FAT1: variants seen among roughly 807,000 people sequenced by gnomAD.
FAT1 encodes FAT atypical cadherin 1.
A neutral mutation model predicts 329.8 loss-of-function variants in FAT1; 171 were observed. That is an observed-to-expected ratio of 0.52 (90% CI 0.46 to 0.59). The LOEUF is 0.59. FAT1 is among the 20% of genes least tolerant of loss of function. The probability of loss-of-function intolerance (pLI) is 0.00; values close to 1 mark genes in which losing one functional copy is unlikely to be tolerated. For synonymous variants in FAT1, 2,233 were observed against 2,228.6 expected (o/e 1.00, Z -0.06); for missense variants, 5,672 against 5,774.4 (o/e 0.98, Z 0.57).
rs746793923 is a variant in FAT1 at position 186,603,387 on chromosome 4, G to T, written c.11139C>A (p.His3713Gln). ...SAQISTKQLL[H>Q]KINSSVTDIE... ...TGTCAGTCACGGAAGAGTTAATCTT[G>T]TGCAGAAGTTGTTTTGTTGAGATCT... is the stretch of plus-strand genomic sequence containing the variant. Residue 3713 changes from histidine to glutamine, a missense_variant, in exon 19 of 27, where the codon CAC (histidine) becomes CAA (glutamine). Around this residue, in one of 2 missense-constraint regions of FAT1, gnomAD observed 1,706 missense variants for 1,859.1 expected, o/e 0.92. Coordinates refer to ENST00000441802, the MANE Select transcript of FAT1 (RefSeq NM_005245.4). 6 of 1,613,936 alleles carry T rather than the reference G, an allele frequency of 3.7e-6. No homozygotes were observed. In the South Asian group the frequency reaches 4.4e-5, roughly 12 times the overall value.
Position 186,619,882 on chromosome 4 carries a change from A to G in FAT1, c.6704T>C (p.Val2235Ala), listed in dbSNP as rs1452794307. 6.2e-7 allele frequency: 1 copy of G among 1,613,748 alleles called. No individual in the cohort carries two copies. The highest frequency in any genetic ancestry group is 1.3e-5 in the African/African-American group (1 of 74,884). Residue 2235 changes from valine (V) to alanine (A), a missense_variant, in exon 10 of 27, where the codon GTT becomes GCT. Val to Ala is a moderately conservative substitution (Grantham distance 64). Coordinates refer to ENST00000441802, the MANE Select transcript of FAT1 (RefSeq NM_005245.4). ...GTCCAGAGGAGCTATGACATTGATA[A>G]CTCCAGTATTGAAGTTAATAGTGAA... ...SQFTINFNTG[V>A]INVIAPLDFE...
rs754447328 is a variant in FAT1, at chr4:186,603,822, A to G, written c.10704T>C (p.His3568=). The change falls in exon 19 of 27, where the codon CAT becomes CAC. Residue 3568 remains histidine (H), a synonymous_variant. Transcript: ENST00000441802. ...EYSGGVIGKI[H]ATDQDVYDTL... is the part of the protein sequence containing the mutation. Reference sequence around the variant, plus strand: ...TATCATACACGTCCTGGTCTGTGGCATGGATCTTCCCAATGACGCCACCTG... The same window carrying G: ...TATCATACACGTCCTGGTCTGTGGCGTGGATCTTCCCAATGACGCCACCTG... The G allele has an allele frequency of 1.2e-6, 2 of 1,613,902 alleles. No homozygotes were observed. The highest frequency in any genetic ancestry group is 4.5e-5 in the East Asian group (2 of 44,852).
In FAT1 at chr4:186,593,454, C is replaced by T. The variant is rs76519718; in HGVS notation, c.13138+2235G>A. Among the ~76,000 whole-genome samples the T allele has an allele frequency of 6.5e-3, 994 of 152,326 alleles. 9 individuals carry two copies. Among genetic ancestry groups the T allele is most frequent in the Middle Eastern group, 0.017 (5 of 294 alleles). On this transcript the variant is annotated intron_variant, in intron 26 of 26. Coordinates refer to ENST00000441802, the MANE Select transcript of FAT1 (RefSeq NM_005245.4). ...TAGTCCACGTCCTAATCCCAGGAGCCTGTGAATATGTCACTATACATGGCA... is the reference window on the plus strand; with the variant it reads ...TAGTCCACGTCCTAATCCCAGGAGCTTGTGAATATGTCACTATACATGGCA...
At chr4:186,669,335 T>C (rs1167481265) in intron 2 of FAT1, among the ~76,000 whole-genome samples, 1 of 152,182 alleles carries the variant, frequency 6.6e-6, no homozygotes, top group Non-Finnish European at 1.5e-5. Context: ...GAGGTTGCCG[T>C]GCACACGCAG....
At position 186,619,343 on chromosome 4, in the gene FAT1, A is replaced by G. The variant is rs780479078; in HGVS notation, c.7243T>C (p.Tyr2415His). Residue 2415 changes from tyrosine to histidine, a missense_variant, in exon 10 of 27, where the codon TAT becomes CAT. Coordinates refer to ENST00000441802, the MANE Select transcript of FAT1 (RefSeq NM_005245.4). ...HGHFVTCVKA[Y>H]DADSSDIDKL... ...TCTATGTCTGAACTGTCTGCATCAT[A>G]GGCTTTTACACAGGTCACGAAATGC... is the stretch of plus-strand genomic sequence containing the variant. The G allele has an allele frequency of 6.2e-7, 1 of 1,614,060 alleles. No individual in the cohort carries two copies. Among genetic ancestry groups the G allele is most frequent in the Admixed American group, 1.7e-5 (1 of 60,038 alleles).
In FAT1 at chr4:186,595,734, C is replaced by T. The variant is rs2126382297; in HGVS notation, c.13093G>A (p.Val4365Met). ...PYSARESLSE[V>M]QSLSSFQSES... ...GACTGGAAGGAGCTCAGAGACTGCACTTCAGACAGGCTTTCCCGGGCACTG... is the reference window on the plus strand; with the variant it reads ...GACTGGAAGGAGCTCAGAGACTGCATTTCAGACAGGCTTTCCCGGGCACTG... The change falls in exon 26 of 27, where the codon GTG becomes ATG. Residue 4365 changes from valine to methionine, a missense_variant. By Grantham distance (21) the Val-to-Met change is conservative (BLOSUM62 1). Transcript: ENST00000441802. The T allele has an allele frequency of 2.5e-6, 4 of 1,613,990 alleles. No individual in the cohort carries two copies. The South Asian group carries it at 3.3e-5, about 13-fold the overall frequency.
rs1413083327 is a variant in FAT1, at chr4:186,723,796, G to GCCGCTCCCGCGC, written c.-163_-152dup. The GCCGCTCCCGCGC allele has an allele frequency of 4.4e-5, 6 of 135,020 alleles. No individual in the cohort carries two copies. Among genetic ancestry groups the GCCGCTCCCGCGC allele is most frequent in the Non-Finnish European group, 8.1e-5 (5 of 61,684 alleles). The allele number at this position is 135,020 out of a possible 1,614,324, so 8.4% of individuals were successfully genotyped here. Reference sequence around the variant, plus strand: ...CGTCCGCATGGTACCTGCCGCACGAGCCGCTCCCGCGCCCTCTCCCCGCGC... The same window carrying GCCGCTCCCGCGC: ...CGTCCGCATGGTACCTGCCGCACGAGCCGCTCCCGCGCCCGCTCCCGCGCCCTCTCCCCGCGC... On this transcript the variant is annotated 5_prime_UTR_variant, in exon 1 of 27. Coordinates refer to ENST00000441802, the MANE Select transcript of FAT1 (RefSeq NM_005245.4).
In FAT1 at chr4:186,631,290, T is replaced by C. The variant is rs528694336; in HGVS notation, c.4323+2394A>G. ...AGTGTCTCATCTCCCAGCTGATCCC[T>C]CTGCTCTTCAATCCATCCCCGCGGT... On this transcript the variant is annotated intron_variant, in intron 7 of 26. Coordinates refer to ENST00000441802, the MANE Select transcript of FAT1 (RefSeq NM_005245.4). Among the ~76,000 whole-genome samples the C allele has an allele frequency of 2.1e-3, 314 of 151,576 alleles. 1 individual carries two copies. The highest frequency in any genetic ancestry group is 3.7e-3 in the Non-Finnish European group (251 of 67,974).
chr4:186,591,270 G>A (rs1738227770), intron 26 of FAT1, among the ~76,000 whole-genome samples: 1 of 152,224 alleles, frequency 6.6e-6, no homozygotes, highest in Non-Finnish European at 1.5e-5. Flanking sequence ...TCACATCCGT[G>A]ATTTTTTAAA....
At position 186,611,652 on chromosome 4, in the gene FAT1, G is replaced by T; in HGVS notation, c.9587C>A (p.Thr3196Asn). The T allele has an allele frequency of 2.5e-6, 4 of 1,613,058 alleles. No individual in the cohort carries two copies. In the Middle Eastern group the frequency reaches 4.9e-4, roughly 200 times the overall value. Residue 3196 changes from threonine to asparagine, a missense_variant, in exon 14 of 27, where the codon ACC (threonine) becomes AAC (asparagine). Around this residue, in one of 2 missense-constraint regions of FAT1, gnomAD observed 1,706 missense variants for 1,859.1 expected, o/e 0.92. Transcript: ENST00000441802. ...TTGATCCACAGCTTTCAAAGAGAGG[G>T]TGTATACTGCCTGGAGTTCTCTGTC... ...PLDRELQAVY[T>N]LSLKAVDQGL...
rs770513074 is a variant in FAT1 at position 186,628,150 on chromosome 4, G to C, written c.4810+4C>G. 6.2e-6 allele frequency: 10 copies of C among 1,613,166 alleles called. No individual in the cohort carries two copies. Among genetic ancestry groups the C allele is most frequent in the Non-Finnish European group, 7.6e-6 (9 of 1,179,574 alleles). The stretch of plus-strand genomic sequence containing the variant: ...TAAAATGCCACTGAAGGCTCCAAAA[G>C]TACCTGACTCGATCGAGTACAGCAC... On this transcript the variant is annotated splice_donor_region_variant and intron_variant, in intron 9 of 26. Coordinates refer to ENST00000441802, the MANE Select transcript of FAT1 (RefSeq NM_005245.4).
At chr4:186,712,650 A>T (rs1450345158) in intron 1 of FAT1, among the ~76,000 whole-genome samples, 1 of 152,190 alleles carries the variant, frequency 6.6e-6, no homozygotes, top group Non-Finnish European at 1.5e-5. Context: ...AACCTGAAGG[A>T]AAAGAGGGAA....
chr4:186,613,726 T>C (rs1278143633), intron 12 of FAT1, among the ~76,000 whole-genome samples: 2 of 152,192 alleles, frequency 1.3e-5, no homozygotes, highest in African/African-American at 2.4e-5. Context: ...ACTTAGTTGA[T>C]CCCAATTTTA....
At position 186,617,773 on chromosome 4, in the gene FAT1, G is replaced by A. The variant is rs1285817342; in HGVS notation, c.8813C>T (p.Ala2938Val). The A allele has an allele frequency of 1.9e-6, 3 of 1,613,166 alleles. No homozygotes were observed. Among genetic ancestry groups the A allele is most frequent in the Admixed American group, 3.3e-5 (2 of 59,958 alleles). The change falls in exon 10 of 27, where the codon GCC becomes GTC. Residue 2938 changes from alanine (A) to valine (V), a missense_variant. Physicochemically the swap from Ala to Val is moderately conservative, Grantham distance 64. Transcript: ENST00000441802. Reference protein sequence around the residue: ...SEDDPQGGVIAILSTTDADSE... With the variant: ...SEDDPQGGVIVILSTTDADSE... ...ATCAGCATCCGTGGTACTTAAGATGGCAATCACCCCACCTTGGGGGTCATC... is the reference window on the plus strand; with the variant it reads ...ATCAGCATCCGTGGTACTTAAGATGACAATCACCCCACCTTGGGGGTCATC...
intron 3 of FAT1, among the ~76,000 whole-genome samples, chr4:186,643,788 T>TCCCCCCCCCCCCCCCCCCCCCCCCCC (rs111521404): frequency 1.5e-5 from 2 of 131,194 alleles, no homozygotes; most frequent in African/African-American, 2.9e-5. Context: ...CTGCTCCTCA[T>TCCCCCCCCCCCCCCCCCCCCCCCCCC]CCCCCCCCCA....
intron 2 of FAT1, among the ~76,000 whole-genome samples, chr4:186,680,453 T>C (rs938092553): frequency 6.6e-6 from 1 of 152,156 alleles, no homozygotes; most frequent in East Asian, 1.9e-4. Context: ...ACCGTTTCTG[T>C]AACATTTCTC....
rs770271386 is a variant in FAT1, at chr4:186,706,601, C to G, written c.3227G>C (p.Gly1076Ala). The G allele has an allele frequency of 1.2e-6, 2 of 1,613,000 alleles. No individual in the cohort carries two copies. The highest frequency in any genetic ancestry group is 2.2e-5 in the South Asian group (2 of 91,044). ...TATTTTGAAAACACCAACGCCAGAG[C>G]CATCTCTAATGGAGTATCGGATCTC... ...DGEIRYSIRD[G>A]SGVGVFKIGE... is the part of the protein sequence containing the mutation. The change falls in exon 2 of 27, where the codon GGC becomes GCC. Residue 1076 changes from glycine (G) to alanine (A), a missense_variant. This residue lies in a region of FAT1 where 3,966 missense variants were observed against 3,915.2 expected (regional missense o/e 1.01). Transcript: ENST00000441802.
chr4:186,715,766 C>A (rs1343295054), intron 1 of FAT1, among the ~76,000 whole-genome samples: 2 of 152,168 alleles, frequency 1.3e-5, no homozygotes, highest in East Asian at 3.9e-4. Flanking sequence ...AATGCATTTT[C>A]CGAAGCCAAA....
chr4:186,618,277 G>C lies in FAT1; in HGVS notation c.8309C>G (p.Thr2770Arg). 6.2e-7 allele frequency: 1 copy of C among 1,614,022 alleles called. No individual in the cohort carries two copies. The highest frequency in any genetic ancestry group is 1.1e-5 in the South Asian group (1 of 91,086). The change falls in exon 10 of 27, where the codon ACA becomes AGA. Residue 2770 changes from threonine (T) to arginine (R), a missense_variant. By Grantham distance (71) the Thr-to-Arg change is moderately conservative (BLOSUM62 -1). This residue lies in a region of FAT1 where 3,966 missense variants were observed against 3,915.2 expected (regional missense o/e 1.01). Transcript: ENST00000441802. ...TATGGAAAACTGATACCACTTAGTTGTCTCATGATCAAGACTCTTCTCCAA... is the reference window on the plus strand; with the variant it reads ...TATGGAAAACTGATACCACTTAGTTCTCTCATGATCAAGACTCTTCTCCAA... ...LKLEKSLDHE[T>R]TKWYQFSILA...
Sources: allele counts gnomAD v4.1 joint callset (sites outside exome capture counted in the v4.1 genomes callset), GRCh38; gene constraint gnomAD v4.1.1; regional missense constraint gnomAD v4.1.1; transcripts MANE v1.5; gene names NCBI Gene and HGNC (gene_info 2026-07-23, HGNC 2026-07-21).